Variants in HS3ST4 observed in about 807,000 individuals in gnomAD.
HS3ST4 encodes the protein heparan sulfate glucosamine 3-O-sulfotransferase 4.
HS3ST4 carries 17 observed loss-of-function variants against 29.2 expected under a neutral mutation model. The observed-to-expected ratio is 0.58, with a 90% CI of 0.40 to 0.87. HS3ST4 has a LOEUF of 0.87. Among genes scored for constraint, HS3ST4 ranks in the 40% least tolerant of loss-of-function variants. The pLI, the probability that HS3ST4 is intolerant of heterozygous loss-of-function variation, is 0.00. For missense variants in HS3ST4, 627 were observed against 634.5 expected (o/e 0.99, Z 0.13); for synonymous variants, 314 against 285.7 (o/e 1.10, Z -1.00).
At chr16:26,082,214 G>A (rs1166717810) in intron 1 of HS3ST4, among the ~76,000 whole-genome samples, 1 of 152,138 alleles carries the variant, frequency 6.6e-6, no homozygotes, top group African/African-American at 2.4e-5. Context: ...TCACCTTTAC[G>A]TTCCCTTACA....
rs1175495926 is a variant in HS3ST4 at position 25,715,565 on chromosome 16, G to A, written c.734+22414G>A. ...TGCTCCTTTCTCTTCTGCATGAAAG[G>A]GAAAAAAAGCAAATACTTCTCTTCT... On this transcript the variant is annotated intron_variant, in intron 1 of 1. Coordinates refer to ENST00000331351, the MANE Select transcript of HS3ST4 (RefSeq NM_006040.3). Among the ~76,000 whole-genome samples, 4 of 152,166 alleles carry A rather than the reference G, an allele frequency of 2.6e-5. No individual in the cohort carries two copies. The East Asian group carries it at 7.7e-4, about 29-fold the overall frequency.
At chr16:25,821,558 ATTG>A (rs911684021) in intron 1 of HS3ST4, among the ~76,000 whole-genome samples, 7 of 152,042 alleles carry the variant, frequency 4.6e-5, no homozygotes, top group African/African-American at 1.7e-4. Flanking sequence ...TATTTTATAG[ATTG>A]TTTTTATTTT....
intron 1 of HS3ST4, among the ~76,000 whole-genome samples, chr16:25,851,176 G>A (rs1043258533): frequency 6.6e-6 from 1 of 152,174 alleles, no homozygotes; most frequent in East Asian, 1.9e-4. Flanking sequence ...CTAGCACTGG[G>A]ATTGACTGGA....
intron 1 of HS3ST4, among the ~76,000 whole-genome samples, chr16:25,885,437 T>C (rs533573883): frequency 8.5e-5 from 13 of 152,328 alleles, no homozygotes; most frequent in Non-Finnish European, 1.9e-4. Context: ...GAAGATCAGC[T>C]TCAGCCAGTT....
chr16:25,936,410 A>G (rs1968517575), intron 1 of HS3ST4, among the ~76,000 whole-genome samples: 1 of 152,228 alleles, frequency 6.6e-6, no homozygotes, highest in South Asian at 2.1e-4. Context: ...AGACACCAGT[A>G]AGTTGACATT....
chr16:25,846,175 T>TA (rs1194882627), intron 1 of HS3ST4, among the ~76,000 whole-genome samples: 1 of 152,222 alleles, frequency 6.6e-6, no homozygotes, highest in Non-Finnish European at 1.5e-5. Flanking sequence ...CTGTCCTTTT[T>TA]ATCAGAAAGC....
At chr16:25,934,886 C>T (rs979190818) in intron 1 of HS3ST4, among the ~76,000 whole-genome samples, 2 of 152,166 alleles carry the variant, frequency 1.3e-5, no homozygotes, top group African/African-American at 4.8e-5. Flanking sequence ...CACGCATAGC[C>T]TCCTTCATAT....
Position 26,136,325 on chromosome 16 carries a change from G to C in HS3ST4, c.*77G>C, listed in dbSNP as rs926382511. On this transcript the variant is annotated 3_prime_UTR_variant, in exon 2 of 2. Coordinates refer to ENST00000331351, the MANE Select transcript of HS3ST4 (RefSeq NM_006040.3). Reference sequence around the variant, plus strand: ...TGAGTCCTTGAATACCCCAGCTTCTGCAGCTTCACTTGCTGGAGTGCCAAG... The same window carrying C: ...TGAGTCCTTGAATACCCCAGCTTCTCCAGCTTCACTTGCTGGAGTGCCAAG... 3.0e-6 allele frequency: 4 copies of C among 1,347,838 alleles called. No homozygotes were observed. Among genetic ancestry groups the C allele is most frequent in the Non-Finnish European group, 4.0e-6 (4 of 1,001,080 alleles). 83.5% of individuals were successfully genotyped at this position (1,347,838 alleles called of 1,614,324 possible).
At chr16:26,088,681 C>G (rs1567309527) in intron 1 of HS3ST4, among the ~76,000 whole-genome samples, 1 of 152,290 alleles carries the variant, frequency 6.6e-6, no homozygotes, top group East Asian at 1.9e-4. Context: ...ATGTGAGAAG[C>G]TGTTCATTGC....
At chr16:26,005,860 T>C (rs1969253181) in intron 1 of HS3ST4, among the ~76,000 whole-genome samples, 3 of 152,256 alleles carry the variant, frequency 2.0e-5, no homozygotes, top group African/African-American at 2.4e-5. Context: ...GGCTGTCCTG[T>C]CCATCGTAGG....
intron 1 of HS3ST4, among the ~76,000 whole-genome samples, chr16:25,778,211 C>G (rs775169457): frequency 4.6e-5 from 7 of 152,130 alleles, no homozygotes; most frequent in Non-Finnish European, 8.8e-5. Flanking sequence ...CATATTTTAT[C>G]ACCTTCTAAG....
At chr16:26,121,333 G>A (rs1899274879) in intron 1 of HS3ST4, among the ~76,000 whole-genome samples, 1 of 152,166 alleles carries the variant, frequency 6.6e-6, no homozygotes, top group Non-Finnish European at 1.5e-5. Flanking sequence ...GGAGAATATG[G>A]TAGTGTCTTG....
At chr16:25,812,150 A>G (rs1967048201) in intron 1 of HS3ST4, among the ~76,000 whole-genome samples, 1 of 152,150 alleles carries the variant, frequency 6.6e-6, no homozygotes, top group Non-Finnish European at 1.5e-5. Flanking sequence ...TTTTGTTTTG[A>G]TCATTTCTAA....
rs997454642 is a variant in HS3ST4, at chr16:25,947,528, G to A, written c.735-188084G>A. ...TTGTTTCTTATTCTGCAATCCATGC[G>A]GTCACCCAGGTCATGCTTTATTTTT... is the stretch of plus-strand genomic sequence containing the variant. On this transcript the variant is annotated intron_variant, in intron 1 of 1. Coordinates refer to ENST00000331351, the MANE Select transcript of HS3ST4 (RefSeq NM_006040.3). 3.4e-5 allele frequency among the ~76,000 whole-genome samples: 5 copies of A among 148,068 alleles called. No individual in the cohort carries two copies. In the East Asian group the frequency reaches 6.1e-4, roughly 18 times the overall value.
intron 1 of HS3ST4, among the ~76,000 whole-genome samples, chr16:25,695,945 T>C (rs1208998878): frequency 6.6e-6 from 1 of 152,184 alleles, no homozygotes; most frequent in African/African-American, 2.4e-5. Flanking sequence ...ACAGCTGGCT[T>C]GGGGTTTTCT....
At chr16:25,821,910 G>GT (rs1209669281) in intron 1 of HS3ST4, among the ~76,000 whole-genome samples, 1 of 152,124 alleles carries the variant, frequency 6.6e-6, no homozygotes, top group Non-Finnish European at 1.5e-5. Context: ...AAAAAAAAAG[G>GT]TTTTCTCTTC....
chr16:25,746,828 G>A (rs942254031), intron 1 of HS3ST4, among the ~76,000 whole-genome samples: 4 of 152,062 alleles, frequency 2.6e-5, no homozygotes, highest in Admixed American at 6.6e-5. Flanking sequence ...TGGAATTACA[G>A]GTGTGAGCCA....
chr16:25,846,631 G>T (rs942970885), intron 1 of HS3ST4, among the ~76,000 whole-genome samples: 1 of 151,822 alleles, frequency 6.6e-6, no homozygotes, highest in Non-Finnish European at 1.5e-5. Flanking sequence ...CATCTTGAAG[G>T]CAGTGAATTC....
At chr16:25,948,665 G>A (rs771544874) in intron 1 of HS3ST4, among the ~76,000 whole-genome samples, 2 of 152,062 alleles carry the variant, frequency 1.3e-5, no homozygotes, top group Non-Finnish European at 2.9e-5. Flanking sequence ...CAGGCATTCC[G>A]TAAATGTTCT....
Sources: allele counts gnomAD v4.1 joint callset (sites outside exome capture counted in the v4.1 genomes callset), GRCh38; gene constraint gnomAD v4.1.1; transcripts MANE v1.5; gene names NCBI Gene and HGNC (gene_info 2026-07-23, HGNC 2026-07-21).